FGF12: variants seen among roughly 807,000 people sequenced by gnomAD.
FGF12 encodes the protein fibroblast growth factor 12B.
Under a neutral mutation model 23.6 loss-of-function variants are expected in FGF12, and 14 were observed. The observed-to-expected ratio is 0.59, with a 90% confidence interval of 0.39 to 0.93. The LOEUF is 0.93. FGF12 is among the 40% of genes least tolerant of loss of function. The pLI, the probability that FGF12 is intolerant of heterozygous loss-of-function variation, is 0.00. For missense variants in FGF12, 175 were observed against 217.8 expected (o/e 0.80, Z 1.24); for synonymous variants, 62 against 77.3 (o/e 0.80, Z 1.04).
intron 2 of FGF12, among the ~76,000 whole-genome samples, chr3:192,433,590 T>C (rs1721927920): frequency 6.6e-6 from 1 of 152,238 alleles, no homozygotes; most frequent in South Asian, 2.1e-4. Context: ...GTAAAACAGA[T>C]GATCAGTCTC....
chr3:192,557,358 C>A (rs187213274), intron 2 of FGF12, among the ~76,000 whole-genome samples: 1 of 150,858 alleles, frequency 6.6e-6, no homozygotes, highest in Non-Finnish European at 1.5e-5. Flanking sequence ...GGTGACATTA[C>A]AACTCATGCC....
chr3:192,276,945 C>A (rs955808739), intron 4 of FGF12, among the ~76,000 whole-genome samples: 1 of 152,142 alleles, frequency 6.6e-6, no homozygotes, highest in South Asian at 2.1e-4. Context: ...AAATCATATT[C>A]GTTTTGTCCA....
At chr3:192,379,810 G>A (rs1169572436) in intron 2 of FGF12, among the ~76,000 whole-genome samples, 1 of 152,224 alleles carries the variant, frequency 6.6e-6, no homozygotes, top group South Asian at 2.1e-4. Flanking sequence ...TTAAGTCCCA[G>A]TCCCAGCTTT....
chr3:192,411,876 A>T (rs1178007823), intron 2 of FGF12, among the ~76,000 whole-genome samples: 2 of 152,248 alleles, frequency 1.3e-5, no homozygotes, highest in African/African-American at 4.8e-5. Flanking sequence ...AATCATTCTC[A>T]TCTACCTCGC....
intron 2 of FGF12, among the ~76,000 whole-genome samples, chr3:192,547,508 A>G (rs1187240195): frequency 6.6e-6 from 1 of 152,186 alleles, no homozygotes; most frequent in Non-Finnish European, 1.5e-5. Flanking sequence ...TCTCTAATAA[A>G]TGATTATTAT....
At chr3:192,217,472 G>C (rs1249052268) in intron 4 of FGF12, among the ~76,000 whole-genome samples, 1 of 152,128 alleles carries the variant, frequency 6.6e-6, no homozygotes, top group Non-Finnish European at 1.5e-5. Flanking sequence ...CTCTATTACT[G>C]TGGGTAAATG....
intron 2 of FGF12, among the ~76,000 whole-genome samples, chr3:192,469,126 T>C (rs1723089413): frequency 6.6e-6 from 1 of 152,180 alleles, no homozygotes; most frequent in Non-Finnish European, 1.5e-5. Context: ...CATTTTTTAG[T>C]ATCACAAGAT....
intron 2 of FGF12, among the ~76,000 whole-genome samples, chr3:192,647,420 C>A (rs1332040743): frequency 6.6e-6 from 1 of 151,932 alleles, no homozygotes; most frequent in Non-Finnish European, 1.5e-5. Flanking sequence ...TTAAATTCAT[C>A]CAACATTCTG....
intron 2 of FGF12, among the ~76,000 whole-genome samples, chr3:192,693,050 C>G (rs1161132174): frequency 1.3e-5 from 2 of 150,814 alleles, no homozygotes; most frequent in African/African-American, 4.9e-5. Flanking sequence ...TGTAGAAAAC[C>G]CTAAAGACTT....
intron 2 of FGF12, among the ~76,000 whole-genome samples, chr3:192,552,920 A>G (rs115402084): frequency 6.9e-4 from 104 of 150,914 alleles, no homozygotes; most frequent in Non-Finnish European, 1.3e-3. Context: ...AACATAAACC[A>G]AAAAAAAAGA....
chr3:192,264,235 C>T (rs1245486064), intron 4 of FGF12, among the ~76,000 whole-genome samples: 9 of 152,060 alleles, frequency 5.9e-5, no homozygotes, highest in African/African-American at 9.7e-5. Context: ...TCCAAGCACA[C>T]GATAACTAAA....
chr3:192,382,858 T>TA (rs1719878552), intron 2 of FGF12, among the ~76,000 whole-genome samples: 1 of 152,220 alleles, frequency 6.6e-6, no homozygotes, highest in African/African-American at 2.4e-5. Flanking sequence ...TGAAAAGTTT[T>TA]AAGCATAAGA....
intron 2 of FGF12, among the ~76,000 whole-genome samples, chr3:192,571,853 C>G (rs1392105297): frequency 6.6e-6 from 1 of 152,118 alleles, no homozygotes; most frequent in East Asian, 1.9e-4. Context: ...AATGCCCATG[C>G]CTCCTAGAGG....
intron 2 of FGF12, among the ~76,000 whole-genome samples, chr3:192,501,210 GA>G (rs1724124156): frequency 6.6e-6 from 1 of 151,892 alleles, no homozygotes; most frequent in Non-Finnish European, 1.5e-5. Context: ...TTACACCTGA[GA>G]AAAAAAGAAT....
At chr3:192,605,075 C>T (rs1714279708) in intron 2 of FGF12, among the ~76,000 whole-genome samples, 1 of 152,072 alleles carries the variant, frequency 6.6e-6, no homozygotes. Flanking sequence ...TAATACCTCA[C>T]ACTATAAGAA....
At position 192,641,050 on chromosome 3, in the gene FGF12, C is replaced by T. The variant is rs142063736; in HGVS notation, c.13+86131G>A. ...GGTCTCAATGATCCACCTGCCTCAG[C>T]CTCCCAAAATACTGGGACTACAGTT... On this transcript the variant is annotated intron_variant, in intron 2 of 5. Transcript: ENST00000445105. Among the ~76,000 whole-genome samples, 669 of 151,762 alleles carry T rather than the reference C, an allele frequency of 4.4e-3. 4 individuals are homozygous for T. Among genetic ancestry groups the T allele is most frequent in the African/African-American group, 0.015 (631 of 41,326 alleles).
chr3:192,631,931 A>C (rs1319833230), intron 2 of FGF12, among the ~76,000 whole-genome samples: 1 of 152,226 alleles, frequency 6.6e-6, no homozygotes, highest in Non-Finnish European at 1.5e-5. Context: ...GTCCAGCTCC[A>C]GCAGCAATAT....
intron 4 of FGF12, among the ~76,000 whole-genome samples, chr3:192,330,953 A>G (rs1251513602): frequency 6.6e-6 from 1 of 152,202 alleles, no homozygotes; most frequent in Admixed American, 6.5e-5. Flanking sequence ...TGCAAATCAT[A>G]TATCTGATAA....
At chr3:192,474,393 T>G (rs1723258150) in intron 2 of FGF12, among the ~76,000 whole-genome samples, 1 of 152,136 alleles carries the variant, frequency 6.6e-6, no homozygotes, top group Non-Finnish European at 1.5e-5. Context: ...AGACCACAAG[T>G]TTAAGCACAT....
Sources: gnomAD v4.1 joint callset for allele counts (sites outside exome capture counted in the v4.1 genomes callset) on GRCh38, gnomAD v4.1.1 for gene constraint, MANE v1.5 for transcripts, NCBI Gene and HGNC (gene_info 2026-07-23, HGNC 2026-07-21) for gene names.